Variants in MEGF6 observed in about 807,000 individuals in gnomAD.
MEGF6 encodes multiple epidermal growth factor-like domains protein 6.
Under a neutral mutation model 207.1 loss-of-function variants are expected in MEGF6, and 184 were observed. The observed-to-expected ratio is 0.89, with a 90% CI of 0.79 to 1.00. The LOEUF is 1.00. MEGF6 is among the 50% of genes least tolerant of loss of function. The probability of loss-of-function intolerance (pLI) is 0.00; values close to 1 mark genes in which losing one functional copy is unlikely to be tolerated. For synonymous variants in MEGF6, 1,038 were observed against 910.0 expected (o/e 1.14, Z -2.53); for missense variants, 2,282 against 2,202.9 (o/e 1.04, Z -0.72).
chr1:3,613,536 C>T (rs6678649), upstream of MEGF6, among the ~76,000 whole-genome samples: 1,275 of 152,246 alleles, frequency 8.4e-3, 25 homozygotes, highest in African/African-American at 0.028. Flanking sequence ...GAATTCCAGC[C>T]GGCCCTGGGA....
intron 3 of MEGF6, among the ~76,000 whole-genome samples, chr1:3,584,054 G>A (rs1474139332): frequency 6.6e-6 from 1 of 152,260 alleles, no homozygotes; most frequent in Admixed American, 6.5e-5. Flanking sequence ...ATCTGCTCTA[G>A]GGTGAAACTG....
At chr1:3,606,234 C>G (rs908293338) in intron 1 of MEGF6, among the ~76,000 whole-genome samples, 2 of 152,226 alleles carry the variant, frequency 1.3e-5, no homozygotes, top group Non-Finnish European at 2.9e-5. Flanking sequence ...TCCTGGGAAC[C>G]TGCAGAAATG....
intron 5 of MEGF6, 127 bp downstream of exon 5, chr1:3,523,997 C>T: frequency 9.3e-7 from 1 of 1,076,922 alleles, no homozygotes; most frequent in South Asian, 1.6e-5. Flanking sequence ...CAGGAAGGAG[C>T]CACTGCCAGA....
At chr1:3,587,527 C>T (rs190393588) in intron 3 of MEGF6, among the ~76,000 whole-genome samples, 15 of 152,354 alleles carry the variant, frequency 9.8e-5, no homozygotes, top group African/African-American at 9.6e-5. Context: ...GCAATGTTGA[C>T]GGGCGTGTGG....
chr1:3,509,951 G>A lies in MEGF6; in HGVS notation c.1276C>T (p.His426Tyr). Residue 426 changes from histidine (H) to tyrosine (Y), a missense_variant, in exon 11 of 37, where the codon CAC (histidine) becomes TAC (tyrosine). By Grantham distance (83) the His-to-Tyr change is moderately conservative (BLOSUM62 2). Transcript: ENST00000356575. ...CASSRGGCEH[H>Y]CTNLAGSFQC... Reference sequence around the variant, plus strand: ...AAGGAGCCGGCCAGGTTGGTGCAGTGGTGCTCGCAGCCGCCACGGCTGGAG... The same window carrying A: ...AAGGAGCCGGCCAGGTTGGTGCAGTAGTGCTCGCAGCCGCCACGGCTGGAG... The A allele has an allele frequency of 6.3e-7, 1 of 1,581,264 alleles. No individual in the cohort carries two copies. Among genetic ancestry groups the A allele is most frequent in the Non-Finnish European group, 8.6e-7 (1 of 1,168,216 alleles).
chr1:3,606,310 C>T (rs1453833070), intron 1 of MEGF6, among the ~76,000 whole-genome samples: 2 of 152,192 alleles, frequency 1.3e-5, no homozygotes, highest in African/African-American at 2.4e-5. Flanking sequence ...CAGCATTCCT[C>T]GGGGTGGGAA....
At chr1:3,502,326 C>G (rs556510974) in intron 17 of MEGF6, among the ~76,000 whole-genome samples, 3 of 152,254 alleles carry the variant, frequency 2.0e-5, no homozygotes, top group East Asian at 3.9e-4. Flanking sequence ...GAGGTAGGGC[C>G]TGCTCTTCCT....
intron 10 of MEGF6, among the ~76,000 whole-genome samples, chr1:3,510,424 CACCCATA>C (rs1641297415): frequency 2.0e-5 from 3 of 151,700 alleles, no homozygotes; most frequent in Admixed American, 2.0e-4. Context: ...GCTCAACCAA[CACCCATA>C]GCCCTGCACG....
At chr1:3,595,044 T>C (rs1436355800) in intron 3 of MEGF6, among the ~76,000 whole-genome samples, 1 of 151,900 alleles carries the variant, frequency 6.6e-6, no homozygotes, top group African/African-American at 2.4e-5. Context: ...CACCAATGCA[T>C]GGCCCCAGGA....
chr1:3,603,342 C>A (rs1343055400), intron 1 of MEGF6, among the ~76,000 whole-genome samples: 1 of 152,084 alleles, frequency 6.6e-6, no homozygotes, highest in East Asian at 1.9e-4. Context: ...CCAAAGACAG[C>A]CACACGGGCC....
chr1:3,500,518 G>T, intron 21 of MEGF6, 115 bp downstream of exon 21: 1 of 1,398,540 alleles, frequency 7.2e-7, no homozygotes, highest in South Asian at 1.5e-5. Context: ...CAAAGGCTTC[G>T]TGTGTGTGCG....
At chr1:3,514,928 CTTCTT>C (rs1300692351) in intron 6 of MEGF6, among the ~76,000 whole-genome samples, 3 of 152,334 alleles carry the variant, frequency 2.0e-5, no homozygotes, top group Admixed American at 2.0e-4. Context: ...TCCCACCACC[CTTCTT>C]AGCCCAGGTG....
rs968009909 is a variant in MEGF6, at chr1:3,515,537, C to T, written c.605-10G>A. On this transcript the variant is annotated splice_polypyrimidine_tract_variant and intron_variant, in intron 5 of 36. Coordinates refer to ENST00000356575, the MANE Select transcript of MEGF6 (RefSeq NM_001409.4). ...GCGCAGGAGTTAATGGCTGGGGACA[C>T]AGGGAGGACCCCAAGTCAGCCCAAG... The T allele has an allele frequency of 3.1e-6, 5 of 1,610,240 alleles. No homozygotes were observed. Among genetic ancestry groups the T allele is most frequent in the African/African-American group, 1.3e-5 (1 of 74,902 alleles).
At chr1:3,519,036 G>C (rs1641644587) in intron 5 of MEGF6, among the ~76,000 whole-genome samples, 1 of 152,238 alleles carries the variant, frequency 6.6e-6, no homozygotes, top group Non-Finnish European at 1.5e-5. Context: ...CAGAGCACCA[G>C]GCAAACAATG....
intron 14 of MEGF6, 64 bp from the exon 15 acceptor site, chr1:3,506,300 A>G (rs887795051): frequency 1.9e-6 from 3 of 1,556,664 alleles, no homozygotes; most frequent in Non-Finnish European, 2.6e-6. Flanking sequence ...TGGTCCCCCC[A>G]TGTGGTAGGA....
At chr1:3,503,763 G>A (rs562836160) in intron 17 of MEGF6, among the ~76,000 whole-genome samples, 12 of 152,048 alleles carry the variant, frequency 7.9e-5, no homozygotes, top group Non-Finnish European at 1.6e-4. Context: ...GGTGGGGAGC[G>A]GGAGGAAGGG....
intron 30 of MEGF6, 56 bp downstream of exon 30, chr1:3,495,834 T>C: frequency 3.2e-6 from 5 of 1,574,860 alleles, no homozygotes; most frequent in Non-Finnish European, 4.3e-6. Flanking sequence ...CCACGGCTAA[T>C]CCAGTGACAT....
Position 3,549,774 on chromosome 1 carries a change from C to A in MEGF6, c.482-25528G>T, listed in dbSNP as rs554823554. 5.3e-5 allele frequency among the ~76,000 whole-genome samples: 8 copies of A among 152,358 alleles called. No individual in the cohort carries two copies. The South Asian group carries it at 1.7e-3, about 32-fold the overall frequency. ...GCCCAGGGAACCACCCGGAGGCTGACCAGCCTTCCCGTACAAGGTGAGTCT... is the reference window on the plus strand; with the variant it reads ...GCCCAGGGAACCACCCGGAGGCTGAACAGCCTTCCCGTACAAGGTGAGTCT... On this transcript the variant is annotated intron_variant, in intron 4 of 36. Coordinates refer to ENST00000356575, the MANE Select transcript of MEGF6 (RefSeq NM_001409.4).
In MEGF6 at chr1:3,488,318, G is replaced by A. The variant is rs78334657; in HGVS notation, c.*2210C>T. Among the ~76,000 whole-genome samples the A allele has an allele frequency of 8.8e-4, 134 of 152,324 alleles. 3 individuals carry two copies. The East Asian group carries it at 0.023, about 26-fold the overall frequency. ...GGCCTGCCTTATGGCTTCCGTAGCT[G>A]AACACTGTGTCTTCACTGAGCGGGA... On this transcript the variant is annotated 3_prime_UTR_variant, in exon 37 of 37. Transcript: ENST00000356575.
Sources: allele counts gnomAD v4.1 joint callset (sites outside exome capture counted in the v4.1 genomes callset), GRCh38; gene constraint gnomAD v4.1.1; transcripts MANE v1.5; gene names NCBI Gene and HGNC (gene_info 2026-07-23, HGNC 2026-07-21).